ADAM7: variants seen among roughly 807,000 people sequenced by gnomAD.
ADAM7 encodes ADAM metallopeptidase domain 7, also known as disintegrin and metalloproteinase domain-containing protein 7.
Under a neutral mutation model 102.9 loss-of-function variants are expected in ADAM7, and 97 were observed. The observed-to-expected ratio is 0.94, with a 90% CI of 0.80 to 1.12. The LOEUF (loss-of-function observed/expected upper bound fraction) is 1.12, where lower values mean the gene tolerates loss of function less well. ADAM7 is among the 50% of genes most tolerant of loss of function. The pLI is 0.00. For synonymous variants in ADAM7, 334 were observed against 304.4 expected (o/e 1.10, Z -1.01); for missense variants, 991 against 908.7 (o/e 1.09, Z -1.16).
chr8:24,474,824 G>T (rs766359385), intron 7 of ADAM7, among the ~76,000 whole-genome samples: 2 of 152,138 alleles, frequency 1.3e-5, no homozygotes, highest in Admixed American at 6.6e-5. Context: ...GAGCCCAGGA[G>T]GTCGAGGCTG....
rs1277375057 is a variant in ADAM7 at position 24,463,974 on chromosome 8, C to G, written c.312+14C>G. 3.1e-6 allele frequency: 5 copies of G among 1,598,444 alleles called. No individual in the cohort carries two copies. The highest frequency in any genetic ancestry group is 1.1e-5 in the South Asian group (1 of 90,718). ...CCTCAGATCATGGTATCTTATGGAA[C>G]TTTACTGTGTCTCTTCTCTAAAAGC... On this transcript the variant is annotated intron_variant, in intron 4 of 21. Coordinates refer to ENST00000175238, the MANE Select transcript of ADAM7 (RefSeq NM_003817.4).
At chr8:24,458,309 C>T (rs575296633) in intron 3 of ADAM7, among the ~76,000 whole-genome samples, 3 of 152,250 alleles carry the variant, frequency 2.0e-5, no homozygotes, top group East Asian at 1.9e-4. Context: ...TGAGTATTCA[C>T]GTTATAACTC....
chr8:24,465,803 T>C lies in ADAM7; in HGVS notation c.389+28T>C, dbSNP rs201691641. ...AATGCAGAATATCTTTCTTTTTCCTTTATGAGTTTTCCTATGGATTTTCAA... is the reference window on the plus strand; with the variant it reads ...AATGCAGAATATCTTTCTTTTTCCTCTATGAGTTTTCCTATGGATTTTCAA... On this transcript the variant is annotated intron_variant, in intron 5 of 21. Transcript: ENST00000175238. The C allele has an allele frequency of 6.6e-6, 10 of 1,522,714 alleles. No homozygotes were observed. In the East Asian group the frequency reaches 6.9e-5, roughly 11 times the overall value. 94.3% of individuals were successfully genotyped at this position (1,522,714 alleles called of 1,614,324 possible). A position where few individuals can be genotyped will look rare whatever the true frequency, so the allele number is the denominator to read the frequency against.
chr8:24,447,599 A>G (rs977403598), intron 3 of ADAM7, among the ~76,000 whole-genome samples: 1 of 152,198 alleles, frequency 6.6e-6, no homozygotes, highest in Non-Finnish European at 1.5e-5. Flanking sequence ...GGTTTTTAAA[A>G]TGACTTCTAA....
intron 3 of ADAM7, among the ~76,000 whole-genome samples, chr8:24,451,381 G>GAT (rs1414551206): frequency 2.0e-5 from 3 of 152,156 alleles, no homozygotes; most frequent in Non-Finnish European, 4.4e-5. Flanking sequence ...AGTCTTGGGA[G>GAT]GGTTATGTGT....
At chr8:24,450,047 C>T (rs539323318) in intron 3 of ADAM7, among the ~76,000 whole-genome samples, 415 of 152,316 alleles carry the variant, frequency 2.7e-3, no homozygotes, top group South Asian at 5.0e-3. Context: ...GTTTTGGTTA[C>T]TGTAGCCTTG....
intron 9 of ADAM7, among the ~76,000 whole-genome samples, chr8:24,482,837 A>T (rs1008809411): frequency 6.6e-6 from 1 of 152,158 alleles, no homozygotes; most frequent in Non-Finnish European, 1.5e-5. Flanking sequence ...AATCTGATAT[A>T]TTCATATTCC....
chr8:24,489,793 T>C (rs1163752992), intron 12 of ADAM7, among the ~76,000 whole-genome samples: 1 of 152,210 alleles, frequency 6.6e-6, no homozygotes, highest in African/African-American at 2.4e-5. Flanking sequence ...CATGTATTTA[T>C]TGTAGTTGTG....
chr8:24,501,359 T>G, intron 19 of ADAM7, 118 bp from the exon 20 acceptor site: 1 of 691,702 alleles, frequency 1.4e-6, no homozygotes. Context: ...ATATTTAACA[T>G]TGTAATGAAA....
intron 16 of ADAM7, among the ~76,000 whole-genome samples, chr8:24,497,845 T>C (rs965182986): frequency 2.2e-4 from 33 of 152,016 alleles, no homozygotes; most frequent in African/African-American, 7.7e-4. Flanking sequence ...GAAAGAAATA[T>C]CAGGTTACCA....
At chr8:24,448,898 C>T (rs181722102) in intron 3 of ADAM7, among the ~76,000 whole-genome samples, 13 of 152,086 alleles carry the variant, frequency 8.5e-5, no homozygotes, top group Admixed American at 5.9e-4. Flanking sequence ...TGAGAATATG[C>T]GGTGTTTGCA....
chr8:24,442,366 G>C, intron 1 of ADAM7, 107 bp from the exon 2 acceptor site: 6 of 788,490 alleles, frequency 7.6e-6, no homozygotes, highest in South Asian at 5.6e-5. Flanking sequence ...GCTGTCCATG[G>C]CTGCTAACTG....
chr8:24,454,032 C>T lies in ADAM7; in HGVS notation c.233+6770C>T, dbSNP rs191803894. ...GGAAGTTTTGTCTCAGAGGAGTACC[C>T]GGCTGTGTGAGATGTCAGTCTGCCC... is the stretch of plus-strand genomic sequence containing the variant. On this transcript the variant is annotated intron_variant, in intron 3 of 21. Coordinates refer to ENST00000175238, the MANE Select transcript of ADAM7 (RefSeq NM_003817.4). Among the ~76,000 whole-genome samples, 488 of 152,272 alleles carry T rather than the reference C, an allele frequency of 3.2e-3. 4 individuals carry two copies. The highest frequency in any genetic ancestry group is 0.011 in the African/African-American group (463 of 41,544).
chr8:24,462,871 C>T (rs965354218), intron 3 of ADAM7, among the ~76,000 whole-genome samples: 7 of 152,108 alleles, frequency 4.6e-5, no homozygotes, highest in African/African-American at 1.7e-4. Context: ...ACATGAAATA[C>T]ATCATGGGTG....
chr8:24,490,625 G>T, intron 12 of ADAM7, 174 bp from the exon 13 acceptor site: 1 of 602,938 alleles, frequency 1.7e-6, no homozygotes, highest in South Asian at 2.2e-5. Flanking sequence ...AGGAGAAATA[G>T]TTAAAGTCCC....
rs772265231 is a variant in ADAM7 at position 24,482,278 on chromosome 8, C to T, written c.842C>T (p.Thr281Ile). 1 of 1,611,016 alleles carries T rather than the reference C, an allele frequency of 6.2e-7. No homozygotes were observed. Among genetic ancestry groups the T allele is most frequent in the East Asian group, 2.2e-5 (1 of 44,762 alleles). ...FSFWQEKILK[T>I]RKDFDHVVLL... Reference sequence around the variant, plus strand: ...TTTTGGCAAGAAAAGATCCTTAAAACACGGAAGGATTTTGATCATGTTGTA... The same window carrying T: ...TTTTGGCAAGAAAAGATCCTTAAAATACGGAAGGATTTTGATCATGTTGTA... Residue 281 changes from threonine to isoleucine, a missense_variant, in exon 9 of 22, where the codon ACA (threonine) becomes ATA (isoleucine). Thr to Ile is a moderately conservative substitution (Grantham distance 89). Coordinates refer to ENST00000175238, the MANE Select transcript of ADAM7 (RefSeq NM_003817.4).
At position 24,485,280 on chromosome 8, in the gene ADAM7, G is replaced by T. The variant is rs971817188; in HGVS notation, c.879G>T (p.Gly293=). 7 of 1,612,636 alleles carry T rather than the reference G, an allele frequency of 4.3e-6. No homozygotes were observed. The highest frequency in any genetic ancestry group is 5.9e-6 in the Non-Finnish European group (7 of 1,179,304). Residue 293 remains glycine, a synonymous_variant, in exon 10 of 22, where the codon GGG becomes GGT. Coordinates refer to ENST00000175238, the MANE Select transcript of ADAM7 (RefSeq NM_003817.4). ...KDFDHVVLLS[G]KWLYSHVQGI... ...TATTTTTGCATCTTTTTCATAGTGG[G>T]AAGTGGCTCTACTCACATGTGCAAG... is the stretch of plus-strand genomic sequence containing the variant.
intron 3 of ADAM7, among the ~76,000 whole-genome samples, chr8:24,448,630 T>A (rs1486018788): frequency 6.6e-6 from 1 of 150,676 alleles, no homozygotes; most frequent in Non-Finnish European, 1.5e-5. Flanking sequence ...CTTTTCAACA[T>A]TTCCCCTCTA....
intron 3 of ADAM7, among the ~76,000 whole-genome samples, chr8:24,460,767 GTA>G (rs35152262): frequency 2.7e-3 from 121 of 44,354 alleles, no homozygotes; most frequent in African/African-American, 7.2e-3. Context: ...GTGTGTGTGT[GTA>G]TATATATATA....
Sources: gnomAD v4.1 joint callset for allele counts (sites outside exome capture counted in the v4.1 genomes callset) on GRCh38, gnomAD v4.1.1 for gene constraint, MANE v1.5 for transcripts, NCBI Gene and HGNC (gene_info 2026-07-23, HGNC 2026-07-21) for gene names.